The following UBE4B variants were observed in gnomAD, a reference collection of about 807,000 sequenced individuals.
UBE4B encodes the protein ubiquitin conjugation factor E4 B.
Under a neutral mutation model 148.1 loss-of-function variants are expected in UBE4B, and 27 were observed. That is an observed-to-expected ratio of 0.18 (90% confidence interval 0.13 to 0.25). The LOEUF (loss-of-function observed/expected upper bound fraction) is 0.25, where lower values mean the gene tolerates loss of function less well. Ranked by LOEUF, UBE4B falls within the 10% of genes least tolerant of loss-of-function variation. The pLI is 1.00. For missense variants in UBE4B, 1,170 were observed against 1,662.4 expected (o/e 0.70, Z 5.15); for synonymous variants, 596 against 619.3 (o/e 0.96, Z 0.56).
chr1:10,123,193 G>A (rs1645437200), intron 10 of UBE4B, among the ~76,000 whole-genome samples: 1 of 152,118 alleles, frequency 6.6e-6, no homozygotes, highest in African/African-American at 2.4e-5. Flanking sequence ...CACTTTGGGA[G>A]GCTGAGGCGG....
chr1:10,095,549 C>G lies in UBE4B; in HGVS notation c.300C>G (p.Leu100=), dbSNP rs199810574. 3 of 1,614,164 alleles carry G rather than the reference C, an allele frequency of 1.9e-6. No homozygotes were observed. The highest frequency in any genetic ancestry group is 2.5e-6 in the Non-Finnish European group (3 of 1,180,046). ...GCCTTGAAACGCAATCTCAGTCTCT[C>G]TCACGTTCCCAGAGCATGGATATCG... ...SNSLETQSQS[L]SRSQSMDIDG... is the part of the protein sequence containing the mutation. The change falls in exon 3 of 28, where the codon CTC becomes CTG. Residue 100 remains leucine (L), a synonymous_variant. Coordinates refer to ENST00000343090, the MANE Select transcript of UBE4B (RefSeq NM_001105562.3).
intron 23 of UBE4B, among the ~76,000 whole-genome samples, chr1:10,167,474 T>TAATGAC (rs535397393): frequency 3.3e-5 from 5 of 149,680 alleles, no homozygotes; most frequent in African/African-American, 1.2e-4. Flanking sequence ...ATAATAATAA[T>TAATGAC]GACTAAGTAA....
intron 1 of UBE4B, among the ~76,000 whole-genome samples, chr1:10,056,769 A>G (rs1055196381): frequency 1.3e-5 from 2 of 152,202 alleles, no homozygotes; most frequent in Non-Finnish European, 2.9e-5. Context: ...GGCCTGGGGT[A>G]GCACTTCACT....
In UBE4B at chr1:10,168,162, G is replaced by C. The variant is rs147961171; in HGVS notation, c.3225G>C (p.Gln1075His). ...ATCAGCAGCAGGCTCGTCAGTCTCAGCTTGCTCAGGATGAGCGTGTGTCCC... is the reference window on the plus strand; with the variant it reads ...ATCAGCAGCAGGCTCGTCAGTCTCACCTTGCTCAGGATGAGCGTGTGTCCC... ...PRDQQQARQSQLAQDERVSRS... is the reference protein window; with the variant it reads ...PRDQQQARQSHLAQDERVSRS... The change falls in exon 24 of 28, where the codon CAG (glutamine) becomes CAC (histidine). Residue 1075 changes from glutamine to histidine, a missense_variant. Coordinates refer to ENST00000343090, the MANE Select transcript of UBE4B (RefSeq NM_001105562.3). The surrounding 1 kb of genome is among the most constrained non-coding windows in gnomAD (Gnocchi z 4.9). 9.1e-3 allele frequency: 14,639 copies of C among 1,614,132 alleles called. 94 individuals are homozygous for C. The highest frequency in any genetic ancestry group is 0.011 in the Non-Finnish European group (12,757 of 1,180,028).
chr1:10,099,082 T>G (rs1389816509), intron 3 of UBE4B, among the ~76,000 whole-genome samples: 1 of 151,680 alleles, frequency 6.6e-6, no homozygotes, highest in African/African-American at 2.4e-5. Flanking sequence ...CCACTAAAAA[T>G]ACAAAAAAAA....
At chr1:10,100,137 C>A (rs1193879892) in intron 3 of UBE4B, among the ~76,000 whole-genome samples, 1 of 151,842 alleles carries the variant, frequency 6.6e-6, no homozygotes, top group African/African-American at 2.4e-5. Flanking sequence ...CTACAGGTGC[C>A]CACCACCATG....
intron 23 of UBE4B, among the ~76,000 whole-genome samples, chr1:10,163,539 G>A (rs938275915): frequency 1.3e-5 from 2 of 151,806 alleles, no homozygotes; most frequent in African/African-American, 2.4e-5. Context: ...GTGGTGGCAC[G>A]CCGCTGTAGT....
chr1:10,076,242 TCTTTC>T (rs1201824346), intron 2 of UBE4B, among the ~76,000 whole-genome samples: 2 of 150,250 alleles, frequency 1.3e-5, no homozygotes, highest in African/African-American at 4.9e-5. Context: ...CTTCTTTCTT[TCTTTC>T]TTTTTTTTTT....
chr1:10,066,973 T>G (rs1328928975), intron 1 of UBE4B, among the ~76,000 whole-genome samples: 1 of 152,172 alleles, frequency 6.6e-6, no homozygotes, highest in Non-Finnish European at 1.5e-5. Flanking sequence ...AAAGAGAAAG[T>G]ATTTCCAATT....
intron 1 of UBE4B, among the ~76,000 whole-genome samples, chr1:10,061,280 CAG>C (rs1481291464): frequency 6.6e-6 from 1 of 152,026 alleles, no homozygotes; most frequent in African/African-American, 2.4e-5. Flanking sequence ...TTTTGTGAGA[CAG>C]AGTCCCTGTC....
intron 1 of UBE4B, among the ~76,000 whole-genome samples, chr1:10,044,491 G>A (rs1015115789): frequency 1.3e-5 from 2 of 152,146 alleles, no homozygotes; most frequent in African/African-American, 4.8e-5. Flanking sequence ...GGATGGTTTT[G>A]AGATGATTCA....
At chr1:10,136,469 A>G (rs1226419867) in intron 16 of UBE4B, among the ~76,000 whole-genome samples, 7 of 149,586 alleles carry the variant, frequency 4.7e-5, no homozygotes, top group Non-Finnish European at 1.0e-4. Flanking sequence ...TAGGTGACAG[A>G]GTAAGACCCT....
chr1:10,065,525 T>C (rs1165646943), intron 1 of UBE4B, among the ~76,000 whole-genome samples: 5 of 152,238 alleles, frequency 3.3e-5, no homozygotes, highest in African/African-American at 1.2e-4. Flanking sequence ...GTGACTGTTT[T>C]GGCCAGTTAA....
At chr1:10,040,092 G>A (rs1050728429) in intron 1 of UBE4B, among the ~76,000 whole-genome samples, 1 of 151,918 alleles carries the variant, frequency 6.6e-6, no homozygotes. Flanking sequence ...TTCCAGAGAA[G>A]CAGCAGATTT....
At chr1:10,169,214 A>G (rs1309082904) in intron 24 of UBE4B, among the ~76,000 whole-genome samples, 2 of 152,214 alleles carry the variant, frequency 1.3e-5, no homozygotes, top group Non-Finnish European at 2.9e-5. Context: ...TGGCCAGGAC[A>G]AGGGTAGTGA....
chr1:10,172,623 CAGT>C (rs1417747405), intron 25 of UBE4B, among the ~76,000 whole-genome samples: 2 of 152,128 alleles, frequency 1.3e-5, no homozygotes, highest in Admixed American at 1.3e-4. Flanking sequence ...AGTTAATCAT[CAGT>C]AGGCATTCTA....
At chr1:10,059,869 C>T (rs1195792676) in intron 1 of UBE4B, among the ~76,000 whole-genome samples, 1 of 152,088 alleles carries the variant, frequency 6.6e-6, no homozygotes, top group African/African-American at 2.4e-5. Flanking sequence ...GGTCTTCAGC[C>T]CAAGCCAAGG....
At chr1:10,101,261 T>C (rs1490579794) in intron 4 of UBE4B, 66 bp downstream of exon 4, 2 of 1,498,072 alleles carry the variant, frequency 1.3e-6, no homozygotes, top group Admixed American at 3.6e-5. Context: ...CTTGTATCTG[T>C]AGAGTCTGTT....
At chr1:10,097,038 C>CAAAAAA (rs1175237804) in intron 3 of UBE4B, among the ~76,000 whole-genome samples, 2 of 141,070 alleles carry the variant, frequency 1.4e-5, no homozygotes, top group African/African-American at 2.7e-5. Flanking sequence ...GACTCTGCAT[C>CAAAAAA]AAAAAAAAAA....
Sources: allele counts gnomAD v4.1 joint callset (sites outside exome capture counted in the v4.1 genomes callset), GRCh38; gene constraint gnomAD v4.1.1; non-coding constraint Gnocchi (gnomAD v3.1); transcripts MANE v1.5; gene names NCBI Gene and HGNC (gene_info 2026-07-23, HGNC 2026-07-21).